Variants in HSD17B4 observed in about 807,000 individuals in gnomAD.
The protein encoded by HSD17B4 is hydroxysteroid 17-beta dehydrogenase 4.
HSD17B4 carries 70 observed loss-of-function variants against 101.0 expected under a neutral mutation model. That is an observed-to-expected ratio of 0.69 (90% CI 0.57 to 0.85). The LOEUF (loss-of-function observed/expected upper bound fraction) is 0.85. Ranked by LOEUF, HSD17B4 falls within the 40% of genes least tolerant of loss-of-function variation. The probability of loss-of-function intolerance (pLI) is 0.00; values close to 1 mark genes in which losing one functional copy is unlikely to be tolerated. For missense variants in HSD17B4, 984 were observed against 892.4 expected (o/e 1.10, Z -1.31); for synonymous variants, 347 against 297.1 (o/e 1.17, Z -1.73).
chr5:119,536,512 T>A lies in HSD17B4; in HGVS notation c.2083T>A (p.Phe695Ile). 1.2e-6 allele frequency: 2 copies of A among 1,612,260 alleles called. No homozygotes were observed. Among genetic ancestry groups the A allele is most frequent in the Non-Finnish European group, 1.7e-6 (2 of 1,178,566 alleles). Residue 695 changes from phenylalanine (F) to isoleucine (I), a missense_variant, in exon 23 of 24, where the codon TTC (phenylalanine) becomes ATC (isoleucine). Physicochemically the swap from Phe to Ile is conservative, Grantham distance 21. Coordinates refer to ENST00000510025, the MANE Select transcript of HSD17B4 (RefSeq NM_000414.4). ...AACAATCATACTTTCAGATGAAGAT[T>A]TCATGGAGGTGGTCCTGGGCAAGCT... Reference protein sequence around the residue: ...DTTIILSDEDFMEVVLGKLDP... With the variant: ...DTTIILSDEDIMEVVLGKLDP...
intron 17 of HSD17B4, among the ~76,000 whole-genome samples, chr5:119,522,616 G>T (rs1360317809): frequency 6.6e-6 from 1 of 152,120 alleles, no homozygotes; most frequent in African/African-American, 2.4e-5. Flanking sequence ...CTTTCTCTCT[G>T]TGTAGCAACA....
chr5:119,518,514 C>T (rs1004925943), intron 17 of HSD17B4, among the ~76,000 whole-genome samples: 12 of 152,132 alleles, frequency 7.9e-5, no homozygotes, highest in African/African-American at 2.7e-4. Context: ...TGGGTGTTTT[C>T]TCTCCGGATA....
rs2126781231 is a variant in HSD17B4, at chr5:119,499,462, GT to G, written c.1121del (p.Leu374CysfsTer8). 6.2e-7 allele frequency: 1 copy of G among 1,613,836 alleles called. No homozygotes were observed. ...FIYEGSSDFS[C>X]LPTFGVIIGQ... ...TATGAAGGAAGTTCTGATTTCTCCTGTTTGCCCACCTTCGGAGTTATCATAG... is the reference window on the plus strand; with the variant it reads ...TATGAAGGAAGTTCTGATTTCTCCTGTTGCCCACCTTCGGAGTTATCATAG... On this transcript the variant is annotated frameshift_variant, in exon 13 of 24. Transcript: ENST00000510025. LOFTEE classifies it high-confidence loss of function.
chr5:119,511,222 T>G (rs1256312502), intron 16 of HSD17B4, among the ~76,000 whole-genome samples: 1 of 151,908 alleles, frequency 6.6e-6, no homozygotes, highest in Non-Finnish European at 1.5e-5. Flanking sequence ...GGAAACAGAG[T>G]CTTTTTGTAA....
chr5:119,473,452 G>T (rs1420702060), intron 2 of HSD17B4, among the ~76,000 whole-genome samples: 1 of 150,926 alleles, frequency 6.6e-6, no homozygotes, highest in Non-Finnish European at 1.5e-5. Flanking sequence ...CCAAGTAGCT[G>T]GGACTACAGA....
Position 119,525,214 on chromosome 5 carries a change from A to G in HSD17B4, c.1504-2A>G. On this transcript the variant is annotated splice_acceptor_variant, in intron 17 of 23. Coordinates refer to ENST00000510025, the MANE Select transcript of HSD17B4 (RefSeq NM_000414.4). LOFTEE classifies it high-confidence loss of function. ...CTAGTTATGTTTATGCTTTCTCCAC[A>G]GGCTGCTTTGTACCGCCTCAGTGGA... 6.2e-7 allele frequency: 1 copy of G among 1,607,932 alleles called. No individual in the cohort carries two copies. Among genetic ancestry groups the G allele is most frequent in the Non-Finnish European group, 8.5e-7 (1 of 1,174,778 alleles).
At chr5:119,501,409 A>G (rs899409921) in intron 13 of HSD17B4, among the ~76,000 whole-genome samples, 1 of 151,176 alleles carries the variant, frequency 6.6e-6, no homozygotes, top group African/African-American at 2.4e-5. Context: ...GTATGCTTCA[A>G]GTTTTGGTTT....
chr5:119,522,052 C>T lies in HSD17B4; in HGVS notation c.1504-3164C>T, dbSNP rs1377516263. On this transcript the variant is annotated intron_variant, in intron 17 of 23. Transcript: ENST00000510025. ...GCTGCACCCGTTAACTCGTCATTTA[C>T]GTTAGGTATATCTCCTAATGATATC... Among the ~76,000 whole-genome samples the T allele has an allele frequency of 4.6e-5, 7 of 151,994 alleles. No individual in the cohort carries two copies. In the South Asian group the frequency reaches 1.2e-3, roughly 27 times the overall value.
rs145394691 is a variant in HSD17B4 at position 119,485,151 on chromosome 5, C to A, written c.623-4041C>A. ...CTGCTTCATACCAAGAGACAAACCA[C>A]TAGTTAGAATTTGTGCTGATCATCC... On this transcript the variant is annotated intron_variant, in intron 8 of 23. Coordinates refer to ENST00000510025, the MANE Select transcript of HSD17B4 (RefSeq NM_000414.4). Among the ~76,000 whole-genome samples the A allele has an allele frequency of 5.7e-3, 863 of 152,238 alleles. 12 individuals carry two copies. The highest frequency in any genetic ancestry group is 0.02 in the African/African-American group (826 of 41,552).
chr5:119,469,593 G>A (rs547601506), intron 2 of HSD17B4, among the ~76,000 whole-genome samples: 1 of 152,290 alleles, frequency 6.6e-6, no homozygotes, highest in South Asian at 2.1e-4. Context: ...GACCTCAAGT[G>A]ATCCACCTGC....
At chr5:119,495,827 C>T (rs185216429) in intron 11 of HSD17B4, 335 of 156,132 alleles carry the variant, frequency 2.1e-3, no homozygotes, top group African/African-American at 6.6e-3. Context: ...TGTGCCCCCA[C>T]GCCTGGCTAA....
At chr5:119,531,936 T>C (rs900748033) in intron 22 of HSD17B4, among the ~76,000 whole-genome samples, 1 of 152,168 alleles carries the variant, frequency 6.6e-6, no homozygotes, top group Non-Finnish European at 1.5e-5. Context: ...TAGAGTGCCA[T>C]GCACCCAATA....
At chr5:119,503,076 T>TTGTG (rs759039800) in intron 14 of HSD17B4, among the ~76,000 whole-genome samples, 4,188 of 140,584 alleles carry the variant, frequency 0.03, 136 homozygotes, top group African/African-American at 0.078. Context: ...ACCTTGGAAA[T>TTGTG]TGTGTGTGTG....
At position 119,527,227 on chromosome 5, in the gene HSD17B4, T is replaced by TTTTGC. The variant is rs1561487024; in HGVS notation, c.1767+12_1767+16dup. 6.4e-7 allele frequency: 1 copy of TTTTGC among 1,571,142 alleles called. No individual in the cohort carries two copies. Among genetic ancestry groups the TTTTGC allele is most frequent in the Admixed American group, 1.7e-5 (1 of 59,796 alleles). On this transcript the variant is annotated intron_variant, in intron 20 of 23. Transcript: ENST00000510025. ...ATTCATTTTCAAACCAAGGTATGAA[T>TTTTGC]TTTGCTTTTTCACCCTTCTCACATG...
intron 20 of HSD17B4, 120 bp from the exon 21 acceptor site, chr5:119,529,774 T>C: frequency 1.5e-6 from 1 of 666,384 alleles, no homozygotes; most frequent in Non-Finnish European, 2.7e-6. Flanking sequence ...TTATCTGGAT[T>C]ATTATATTCT....
chr5:119,493,973 C>T lies in HSD17B4; in HGVS notation c.868+27C>T, dbSNP rs1482059360. On this transcript the variant is annotated intron_variant, in intron 11 of 23. Transcript: ENST00000510025. ...TAAAGAGAGTCCCCGTCACTTAGCC[C>T]TGGTTGGGGAATCAGAGGCAGCAAG... 4 of 1,611,636 alleles carry T rather than the reference C, an allele frequency of 2.5e-6. No individual in the cohort carries two copies. Among genetic ancestry groups the T allele is most frequent in the Non-Finnish European group, 3.4e-6 (4 of 1,178,464 alleles).
Position 119,529,905 on chromosome 5 carries a change from T to C in HSD17B4, c.1779T>C (p.Thr593=), listed in dbSNP as rs1218777779. The C allele has an allele frequency of 1.2e-6, 2 of 1,600,228 alleles. No individual in the cohort carries two copies. The highest frequency in any genetic ancestry group is 1.7e-6 in the Non-Finnish European group (2 of 1,168,138). The part of the protein sequence containing the change: ...RIHFQTKVQE[T]GDIVISNAYV... ...CTTCTCCTCCTAAGGTCCAAGAAAC[T>C]GGAGACATTGTCATTTCAAATGCAT... The change falls in exon 21 of 24, where the codon ACT becomes ACC. Residue 593 remains threonine (T), a synonymous_variant. Coordinates refer to ENST00000510025, the MANE Select transcript of HSD17B4 (RefSeq NM_000414.4).
rs539193656 is a variant in HSD17B4 at position 119,540,373 on chromosome 5, G to A, written c.2122-1532G>A. ...GAGTTTGGAAACTGGCAATATGGAC[G>A]TATGGTTAAGGGCTTTAAGAAATAA... On this transcript the variant is annotated intron_variant, in intron 23 of 23. Transcript: ENST00000510025. Among the ~76,000 whole-genome samples the A allele has an allele frequency of 2.5e-3, 380 of 152,244 alleles. 1 individual carries two copies. The highest frequency in any genetic ancestry group is 8.9e-3 in the African/African-American group (368 of 41,550).
chr5:119,512,676 G>A (rs1752284837), intron 16 of HSD17B4, among the ~76,000 whole-genome samples: 1 of 152,170 alleles, frequency 6.6e-6, no homozygotes, highest in South Asian at 2.1e-4. Flanking sequence ...GAGAGAATTT[G>A]TTGTTAGCAG....
Sources: gnomAD v4.1 joint callset for allele counts (sites outside exome capture counted in the v4.1 genomes callset) on GRCh38, gnomAD v4.1.1 for gene constraint, MANE v1.5 for transcripts, NCBI Gene and HGNC (gene_info 2026-07-23, HGNC 2026-07-21) for gene names.